The following SUSD4 variants were observed in gnomAD, a reference collection of about 807,000 sequenced individuals.
SUSD4 encodes the protein sushi domain containing 4.
Under a neutral mutation model 50.5 loss-of-function variants are expected in SUSD4, and 41 were observed. The observed-to-expected ratio is 0.81, with a 90% confidence interval of 0.63 to 1.05. SUSD4 has a LOEUF of 1.05. Among genes scored for constraint, SUSD4 ranks in the 50% least tolerant of loss-of-function variants. The pLI is 0.00. For missense variants in SUSD4, 580 were observed against 634.7 expected (o/e 0.91, Z 0.93); for synonymous variants, 257 against 257.3 (o/e 1.00, Z 0.01).
intron 8 of SUSD4, among the ~76,000 whole-genome samples, chr1:223,222,569 G>A (rs1277035209): frequency 6.6e-6 from 1 of 152,182 alleles, no homozygotes; most frequent in Admixed American, 6.5e-5. Context: ...TGGCCCAGGA[G>A]ACCTCTGTTT....
At chr1:223,232,032 G>A (rs851140) in intron 5 of SUSD4, among the ~76,000 whole-genome samples, 8,451 of 152,274 alleles carry the variant, frequency 0.055, 539 homozygotes, top group African/African-American at 0.15. Flanking sequence ...ATGGAGAAAC[G>A]TGGAGGACGT....
intron 2 of SUSD4, among the ~76,000 whole-genome samples, chr1:223,358,463 T>C (rs1218938607): frequency 6.6e-6 from 1 of 152,242 alleles, no homozygotes; most frequent in Admixed American, 6.5e-5. Flanking sequence ...TGCAGAGCAC[T>C]TGTTTATACC....
chr1:223,355,113 T>C (rs1328957353), intron 2 of SUSD4, among the ~76,000 whole-genome samples: 1 of 151,480 alleles, frequency 6.6e-6, no homozygotes, highest in African/African-American at 2.4e-5. Flanking sequence ...CTCGCTCTGT[T>C]GCCCAGGCTG....
intron 5 of SUSD4, among the ~76,000 whole-genome samples, chr1:223,249,235 C>G (rs1558180677): frequency 6.6e-6 from 1 of 152,102 alleles, no homozygotes; most frequent in Admixed American, 6.5e-5. Flanking sequence ...GGAAGGAAAT[C>G]AGGGGCACAA....
intron 2 of SUSD4, among the ~76,000 whole-genome samples, chr1:223,328,990 CA>C (rs1667028089): frequency 6.6e-6 from 1 of 152,200 alleles, no homozygotes; most frequent in African/African-American, 2.4e-5. Context: ...GCCAAGAAAG[CA>C]AAAATTAGTC....
chr1:223,240,474 GT>G (rs898740807), intron 5 of SUSD4, among the ~76,000 whole-genome samples: 7 of 150,234 alleles, frequency 4.7e-5, no homozygotes, highest in Middle Eastern at 6.9e-3. Context: ...GATATTCTGG[GT>G]TTTTTTTTCA....
Position 223,227,741 on chromosome 1 carries a change from G to A in SUSD4, c.917-3C>T, listed in dbSNP as rs965927617. 5 of 1,608,934 alleles carry A rather than the reference G, an allele frequency of 3.1e-6. No individual in the cohort carries two copies. The highest frequency in any genetic ancestry group is 4.2e-6 in the Non-Finnish European group (5 of 1,177,174). On this transcript the variant is annotated splice_polypyrimidine_tract_variant and splice_region_variant and intron_variant, in intron 6 of 8. Transcript: ENST00000366878. The surrounding 1 kb of genome is among the most constrained non-coding windows in gnomAD (Gnocchi z 4.5). ...ATGGGTGCTGGGCCACGTTTGCTCTGCATGAGGGAGAACAAAGCTGTACGT... is the reference window on the plus strand; with the variant it reads ...ATGGGTGCTGGGCCACGTTTGCTCTACATGAGGGAGAACAAAGCTGTACGT...
At chr1:223,364,360 CG>C (rs1424985909), upstream of SUSD4, among the ~76,000 whole-genome samples, 2 of 44,320 alleles carry the variant, frequency 4.5e-5, no homozygotes, top group Non-Finnish European at 9.9e-5. The surrounding 1 kb of genome is among the most constrained non-coding windows in gnomAD (Gnocchi z 4.5). Flanking sequence ...TGGGTGGGGA[CG>C]GGGTGAGTGG....
chr1:223,286,051 T>C (rs866859519), intron 3 of SUSD4, among the ~76,000 whole-genome samples: 7 of 152,332 alleles, frequency 4.6e-5, no homozygotes, highest in Middle Eastern at 3.4e-3. Flanking sequence ...TGAATATCCA[T>C]GGGCAAAGGC....
chr1:223,323,468 TC>T (rs1173017366), intron 2 of SUSD4, among the ~76,000 whole-genome samples: 1 of 151,994 alleles, frequency 6.6e-6, no homozygotes, highest in Non-Finnish European at 1.5e-5. Flanking sequence ...TCACTTGACT[TC>T]CATGTGGCAT....
chr1:223,239,747 A>C (rs1040704205), intron 5 of SUSD4, among the ~76,000 whole-genome samples: 5 of 151,710 alleles, frequency 3.3e-5, no homozygotes, highest in Admixed American at 1.3e-4. Context: ...AATATACCTA[A>C]GTATATGTGA....
At chr1:223,331,471 C>T (rs1475688992) in intron 2 of SUSD4, among the ~76,000 whole-genome samples, 2 of 152,202 alleles carry the variant, frequency 1.3e-5, no homozygotes, top group Non-Finnish European at 2.9e-5. Flanking sequence ...GAACCTGTGT[C>T]CCCCTGTGGT....
chr1:223,322,757 T>G (rs980321706), intron 2 of SUSD4, among the ~76,000 whole-genome samples: 5 of 152,202 alleles, frequency 3.3e-5, no homozygotes, highest in African/African-American at 4.8e-5. Context: ...TATCTTGAAA[T>G]TATTCGTCAT....
chr1:223,322,142 A>G (rs1275233174), intron 2 of SUSD4, among the ~76,000 whole-genome samples: 1 of 33,664 alleles, frequency 3.0e-5, no homozygotes, highest in African/African-American at 1.2e-4. Flanking sequence ...AATTGATGAT[A>G]TGAGATTGTG....
chr1:223,257,208 G>T (rs542090500), intron 5 of SUSD4, among the ~76,000 whole-genome samples: 1 of 152,256 alleles, frequency 6.6e-6, no homozygotes, highest in South Asian at 2.1e-4. Flanking sequence ...CCCTGTTCAA[G>T]AATGTAGATG....
At chr1:223,275,070 A>G (rs1301082603) in intron 3 of SUSD4, among the ~76,000 whole-genome samples, 2 of 152,382 alleles carry the variant, frequency 1.3e-5, no homozygotes, top group South Asian at 2.1e-4. Flanking sequence ...TCCAGAAAGA[A>G]GAACAAGGAC....
intron 2 of SUSD4, among the ~76,000 whole-genome samples, chr1:223,299,335 C>T (rs1052953379): frequency 1.3e-5 from 2 of 152,198 alleles, no homozygotes; most frequent in Non-Finnish European, 2.9e-5. Context: ...AAACCTATTT[C>T]CTCCCCATTC....
At chr1:223,314,189 T>G (rs1341381519) in intron 2 of SUSD4, among the ~76,000 whole-genome samples, 1 of 152,194 alleles carries the variant, frequency 6.6e-6, no homozygotes, top group Non-Finnish European at 1.5e-5. Flanking sequence ...CACGTAGTTC[T>G]GTGACTTTAT....
intron 2 of SUSD4, among the ~76,000 whole-genome samples, chr1:223,317,110 A>G (rs1666243500): frequency 1.3e-5 from 2 of 152,228 alleles, no homozygotes; most frequent in East Asian, 3.9e-4. Flanking sequence ...TGTAAGCCAC[A>G]GGATGACATA....
Sources: gnomAD v4.1 joint callset for allele counts (sites outside exome capture counted in the v4.1 genomes callset) on GRCh38, gnomAD v4.1.1 for gene constraint, Gnocchi (gnomAD v3.1) non-coding constraint, MANE v1.5 for transcripts, NCBI Gene and HGNC (gene_info 2026-07-23, HGNC 2026-07-21) for gene names.